The following NHLRC2 variants were observed in gnomAD, a reference collection of about 807,000 sequenced individuals.
The protein encoded by NHLRC2 is NHL repeat containing 2, also known as NHL repeat-containing protein 2.
Under a neutral mutation model 68.1 loss-of-function variants are expected in NHLRC2, and 33 were observed. The observed-to-expected ratio is 0.48, with a 90% confidence interval of 0.37 to 0.65. NHLRC2 has a LOEUF of 0.65. NHLRC2 is among the 30% of genes least tolerant of loss of function. NHLRC2 has a pLI of 0.00. For synonymous variants in NHLRC2, 311 were observed against 309.6 expected, an observed-to-expected ratio of 1.00 and a Z score of -0.05; for missense variants, 761 against 853.8, an observed-to-expected ratio of 0.89 and a Z score of 1.35.
At position 113,876,766 on chromosome 10, in the gene NHLRC2, AT is replaced by A. The variant is rs2134706985; in HGVS notation, c.579del (p.Ile193MetfsTer3). 1 of 1,610,922 alleles carries A rather than the reference AT, an allele frequency of 6.2e-7. No individual in the cohort carries two copies. The highest frequency in any genetic ancestry group is 1.3e-5 in the African/African-American group (1 of 74,966). Reference sequence around the variant, plus strand: ...AGATAAATTATTTTTATATACTTCAATTGCTTTAAAGTATTACAAAGACAGG... The same window carrying A: ...AGATAAATTATTTTTATATACTTCAATGCTTTAAAGTATTACAAAGACAGG... Reference protein sequence around the residue: ...HKDKLFLYTSIALKYYKDRGQ... With the variant: ...HKDKLFLYTSXALKYYKDRGQ... On this transcript the variant is annotated frameshift_variant, in exon 3 of 11. Transcript: ENST00000369301. LOFTEE classifies it high-confidence loss of function.
chr10:113,901,683 C>A lies in NHLRC2; in HGVS notation c.1157C>A (p.Thr386Asn). The A allele has an allele frequency of 6.2e-7, 1 of 1,613,732 alleles. No individual in the cohort carries two copies. The highest frequency in any genetic ancestry group is 8.5e-7 in the Non-Finnish European group (1 of 1,179,626). Reference protein sequence around the residue: ...LPKKNELTKGTCLRFAGSGNE... With the variant: ...LPKKNELTKGNCLRFAGSGNE... Reference sequence around the variant, plus strand: ...TTTTTCAGTGAGTTAACAAAAGGAACCTGCCTTAGGTTTGCTGGAAGTGGA... The same window carrying A: ...TTTTTCAGTGAGTTAACAAAAGGAAACTGCCTTAGGTTTGCTGGAAGTGGA... The change falls in exon 7 of 11, where the codon ACC becomes AAC. Residue 386 changes from threonine (T) to asparagine (N), a missense_variant. Thr to Asn is a moderately conservative substitution (Grantham distance 65). Coordinates refer to ENST00000369301, the MANE Select transcript of NHLRC2 (RefSeq NM_198514.4).
intron 2 of NHLRC2, among the ~76,000 whole-genome samples, chr10:113,859,769 T>C (rs1040279560): frequency 1.1e-4 from 17 of 152,292 alleles, no homozygotes; most frequent in East Asian, 9.6e-4. Flanking sequence ...TGAGGAAATA[T>C]GTAACAAAAT....
rs376993880 is a variant in NHLRC2 at position 113,900,241 on chromosome 10, G to T, written c.1140-1425G>T. Among the ~76,000 whole-genome samples the T allele has an allele frequency of 2.3e-3, 349 of 152,316 alleles. 1 individual carries two copies. Among genetic ancestry groups the T allele is most frequent in the African/African-American group, 7.6e-3 (317 of 41,568 alleles). ...ATTGGCAGCACTCAGAGTGGAACAA[G>T]ACTAGAGACAGAGATAAGAGATACC... On this transcript the variant is annotated intron_variant, in intron 6 of 10. Transcript: ENST00000369301.
intron 5 of NHLRC2, among the ~76,000 whole-genome samples, chr10:113,894,500 G>T (rs546281391): frequency 3.3e-5 from 5 of 152,242 alleles, no homozygotes; most frequent in Middle Eastern, 6.8e-3. Flanking sequence ...TGAAGATTTT[G>T]TGTGCATAGT....
At position 113,908,614 on chromosome 10, in the gene NHLRC2, A is replaced by G; in HGVS notation, c.*78A>G. 1 of 1,447,160 alleles carries G rather than the reference A, an allele frequency of 6.9e-7. No homozygotes were observed. Among genetic ancestry groups the G allele is most frequent in the Non-Finnish European group, 9.5e-7 (1 of 1,048,868 alleles). The allele number at this position is 1,447,160 out of a possible 1,614,324, so 89.6% of individuals were successfully genotyped here. ...CTATCACTGTAATTTAAGGAAAGAAAACTTCAGTTCTGCCTCTGGATACCA... is the reference window on the plus strand; with the variant it reads ...CTATCACTGTAATTTAAGGAAAGAAGACTTCAGTTCTGCCTCTGGATACCA... On this transcript the variant is annotated 3_prime_UTR_variant, in exon 11 of 11. Transcript: ENST00000369301.
chr10:113,870,402 T>G (rs1231186889), intron 2 of NHLRC2, among the ~76,000 whole-genome samples: 1 of 152,168 alleles, frequency 6.6e-6, no homozygotes. Context: ...ACTGTAGACA[T>G]TTTTATACAC....
intron 2 of NHLRC2, among the ~76,000 whole-genome samples, chr10:113,870,515 G>A (rs1473807893): frequency 1.3e-5 from 2 of 152,086 alleles, no homozygotes; most frequent in Non-Finnish European, 2.9e-5. Flanking sequence ...CGCTATATGT[G>A]TGCCATAACT....
rs1280950675 is a variant in NHLRC2, at chr10:113,898,188, C to G, written c.1118C>G (p.Ser373Cys). 2 of 1,611,840 alleles carry G rather than the reference C, an allele frequency of 1.2e-6. No homozygotes were observed. The highest frequency in any genetic ancestry group is 1.7e-5 in the Admixed American group (1 of 60,002). Residue 373 changes from serine (S) to cysteine (C), a missense_variant, in exon 6 of 11, where the codon TCT becomes TGT. Ser to Cys is a moderately radical substitution (Grantham distance 112, BLOSUM62 -1). Transcript: ENST00000369301. ...CAGATATGGGCACTCCTGCTGGACT[C>G]TGGCAAACTGCCAAAGAAAAAGTAA... ...THQIWALLLD[S>C]GKLPKKNELT...
In NHLRC2 at chr10:113,862,155, C is replaced by T. The variant is rs115133575; in HGVS notation, c.331+3475C>T. 2.1e-3 allele frequency among the ~76,000 whole-genome samples: 314 copies of T among 151,920 alleles called. 2 individuals carry two copies. The highest frequency in any genetic ancestry group is 7.2e-3 in the African/African-American group (298 of 41,406). ...CTCTCAAACTGCTGTATGGGATTAA[C>T]GCCATGAGCCACCGAGCCCGGCCTA... On this transcript the variant is annotated intron_variant, in intron 2 of 10. Coordinates refer to ENST00000369301, the MANE Select transcript of NHLRC2 (RefSeq NM_198514.4).
chr10:113,863,967 A>G (rs907017511), intron 2 of NHLRC2, among the ~76,000 whole-genome samples: 5 of 152,346 alleles, frequency 3.3e-5, no homozygotes, highest in African/African-American at 1.2e-4. Context: ...CTCAATAGCC[A>G]AGATTTAGAA....
chr10:113,872,774 AAAGTT>A (rs1300796985), intron 2 of NHLRC2, among the ~76,000 whole-genome samples: 2 of 151,756 alleles, frequency 1.3e-5, no homozygotes, highest in Non-Finnish European at 2.9e-5. Flanking sequence ...AAAAAAAAAA[AAAGTT>A]AAAAGGTTTA....
rs17235017 is a variant in NHLRC2 at position 113,855,288 on chromosome 10, T to C, written c.178+238T>C. ...ACATACTCGTCTGTGTATCCTGAGT[T>C]CCGCCCGCGCCTGATATTAGCCAAG... is the stretch of plus-strand genomic sequence containing the variant. On this transcript the variant is annotated intron_variant, in intron 1 of 10. Transcript: ENST00000369301. Among the ~76,000 whole-genome samples the C allele has an allele frequency of 5.5e-3, 838 of 152,242 alleles. 8 individuals carry two copies. The highest frequency in any genetic ancestry group is 0.019 in the African/African-American group (795 of 41,540).
chr10:113,876,488 A>G (rs1194465220), intron 2 of NHLRC2, 33 bp from the exon 3 acceptor site: 1 of 1,208,646 alleles, frequency 8.3e-7, no homozygotes, highest in Non-Finnish European at 1.2e-6. Context: ...TTAAATATTT[A>G]ATAATGTTTA....
chr10:113,896,850 C>T (rs988483276), intron 5 of NHLRC2, among the ~76,000 whole-genome samples: 4 of 151,570 alleles, frequency 2.6e-5, no homozygotes, highest in African/African-American at 4.8e-5. Context: ...AAAAATTAGC[C>T]GGGCATGGTG....
Position 113,861,967 on chromosome 10 carries a change from G to C in NHLRC2, c.331+3287G>C, listed in dbSNP as rs371332823. 5.9e-5 allele frequency among the ~76,000 whole-genome samples: 9 copies of C among 152,086 alleles called. No individual in the cohort carries two copies. The East Asian group carries it at 1.7e-3, about 29-fold the overall frequency. On this transcript the variant is annotated intron_variant, in intron 2 of 10. Coordinates refer to ENST00000369301, the MANE Select transcript of NHLRC2 (RefSeq NM_198514.4). ...GGCCTACTGCAACCTCTGCCTCCCAGGCTCAAGCAATTGTCCTGCCTCAGC... is the reference window on the plus strand; with the variant it reads ...GGCCTACTGCAACCTCTGCCTCCCACGCTCAAGCAATTGTCCTGCCTCAGC...
Position 113,908,381 on chromosome 10 carries a change from C to G in NHLRC2, c.2026C>G (p.Leu676Val). The part of the protein sequence containing the change: ...SLQIPDDCLS[L>V]EAIVSVSVFL... ...ACAAATTCCTGATGATTGCTTATCA[C>G]TTGAAGCCATTGTATCTGTCAGTGT... Residue 676 changes from leucine to valine, a missense_variant, in exon 11 of 11, where the codon CTT (leucine) becomes GTT (valine). Physicochemically the swap from Leu to Val is conservative, Grantham distance 32 (BLOSUM62 1). Transcript: ENST00000369301. 2 of 1,614,004 alleles carry G rather than the reference C, an allele frequency of 1.2e-6. No homozygotes were observed. Among genetic ancestry groups the G allele is most frequent in the Admixed American group, 1.7e-5 (1 of 60,026 alleles).
chr10:113,894,977 A>C (rs1479189137), intron 5 of NHLRC2, among the ~76,000 whole-genome samples: 4 of 152,178 alleles, frequency 2.6e-5, no homozygotes, highest in Admixed American at 2.6e-4. Flanking sequence ...GAGAAGAAAT[A>C]AGCATAATTT....
At position 113,904,844 on chromosome 10, in the gene NHLRC2, G is replaced by A; in HGVS notation, c.1732G>A (p.Val578Met). 6.2e-7 allele frequency: 1 copy of A among 1,613,622 alleles called. No homozygotes were observed. The highest frequency in any genetic ancestry group is 1.1e-5 in the South Asian group (1 of 91,018). Residue 578 changes from valine (V) to methionine (M), a missense_variant, in exon 10 of 11, where the codon GTG (valine) becomes ATG (methionine). Physicochemically the swap from Val to Met is conservative, Grantham distance 21 (BLOSUM62 1). Transcript: ENST00000369301. ...VLPIFRSENA[V>M]VDGPFLVEKQ... ...CCCCATCTTCAGATCTGAAAATGCTGTGGTAGATGGCCCGTTCCTAGTAGA... is the reference window on the plus strand; with the variant it reads ...CCCCATCTTCAGATCTGAAAATGCTATGGTAGATGGCCCGTTCCTAGTAGA...
chr10:113,859,701 G>C (rs1419269242), intron 2 of NHLRC2, among the ~76,000 whole-genome samples: 2 of 152,134 alleles, frequency 1.3e-5, no homozygotes, highest in Non-Finnish European at 1.5e-5. Flanking sequence ...AGTGTTTCTT[G>C]TTCAAGACAT....
Sources: allele counts gnomAD v4.1 joint callset (sites outside exome capture counted in the v4.1 genomes callset), GRCh38; gene constraint gnomAD v4.1.1; transcripts MANE v1.5; gene names NCBI Gene and HGNC (gene_info 2026-07-23, HGNC 2026-07-21).